The following ADAMTSL1 variants were observed in gnomAD, a reference collection of about 807,000 sequenced individuals.
ADAMTSL1 encodes the protein ADAMTS like 1, also known as ADAMTS-like protein 1.
A neutral mutation model predicts 201.8 loss-of-function variants in ADAMTSL1; 126 were observed. The ratio of observed to expected loss-of-function variants is 0.62; its 90% CI spans 0.54 to 0.72. The LOEUF is 0.72. ADAMTSL1 is among the 30% of genes least tolerant of loss of function. The probability of loss-of-function intolerance (pLI) is 0.00; values close to 1 mark genes in which losing one functional copy is unlikely to be tolerated. For synonymous variants in ADAMTSL1, 1,121 were observed against 903.4 expected, an observed-to-expected ratio of 1.24 and a Z score of -4.32; for missense variants, 2,679 against 2,277.8, an observed-to-expected ratio of 1.18 and a Z score of -3.59.
chr9:18,902,299 A>C (rs1830058370), intron 26 of ADAMTSL1, among the ~76,000 whole-genome samples: 1 of 152,220 alleles, frequency 6.6e-6, no homozygotes, highest in Admixed American at 6.5e-5. Context: ...ATAACAGCAG[A>C]ATACTTGTTT....
At chr9:18,460,804 C>G (rs1222729536) in intron 2 of ADAMTSL1, among the ~76,000 whole-genome samples, 2 of 152,152 alleles carry the variant, frequency 1.3e-5, no homozygotes, top group Admixed American at 6.6e-5. Context: ...GCAACACATA[C>G]AATGAATGAC....
chr9:18,219,010 G>A (rs2132348940), intron 2 of ADAMTSL1, among the ~76,000 whole-genome samples: 1 of 151,946 alleles, frequency 6.6e-6, no homozygotes, highest in East Asian at 1.9e-4. Context: ...GATTTGTAGT[G>A]CTACATCTGT....
At chr9:18,905,600 A>G in intron 26 of ADAMTSL1, 182 bp from the exon 27 acceptor site, 1 of 577,510 alleles carries the variant, frequency 1.7e-6, no homozygotes, top group Non-Finnish European at 3.1e-6. Flanking sequence ...AAATCTAACC[A>G]TCCCATAAAG....
At chr9:17,968,691 T>C (rs925078329) in intron 1 of ADAMTSL1, among the ~76,000 whole-genome samples, 20 of 152,250 alleles carry the variant, frequency 1.3e-4, no homozygotes, top group Admixed American at 9.2e-4. Flanking sequence ...TAGTGTAATG[T>C]TGGGACAGGC....
At chr9:18,703,399 A>G (rs113942175) in intron 13 of ADAMTSL1, among the ~76,000 whole-genome samples, 2,214 of 152,156 alleles carry the variant, frequency 0.015, 16 homozygotes, top group Middle Eastern at 0.031. Context: ...ACTATCAGAT[A>G]TTTTTCTTTT....
At chr9:18,864,623 C>T (rs575567230) in intron 23 of ADAMTSL1, among the ~76,000 whole-genome samples, 1 of 152,280 alleles carries the variant, frequency 6.6e-6, no homozygotes, top group East Asian at 1.9e-4. Context: ...GAAGTGAAGC[C>T]AGAGATGCCA....
intron 2 of ADAMTSL1, among the ~76,000 whole-genome samples, chr9:18,284,532 A>C (rs1426410778): frequency 6.6e-6 from 1 of 152,194 alleles, no homozygotes; most frequent in Admixed American, 6.5e-5. Flanking sequence ...CTTATGATAA[A>C]TGAGGAAACA....
chr9:18,150,319 G>A (rs1159738085), intron 1 of ADAMTSL1, among the ~76,000 whole-genome samples: 1 of 151,992 alleles, frequency 6.6e-6, no homozygotes, highest in African/African-American at 2.4e-5. Context: ...TGAAGGGTAT[G>A]GTGTCATGGA....
At chr9:18,585,109 G>T (rs542059241) in intron 4 of ADAMTSL1, among the ~76,000 whole-genome samples, 182 of 151,974 alleles carry the variant, frequency 1.2e-3, no homozygotes, top group African/African-American at 4.2e-3. Context: ...CATTTATTTC[G>T]TAATATTTTA....
chr9:18,781,340 C>G (rs549820884), intron 19 of ADAMTSL1, among the ~76,000 whole-genome samples: 1 of 152,272 alleles, frequency 6.6e-6, no homozygotes, highest in South Asian at 2.1e-4. Context: ...TTTTCTGGAT[C>G]TAGGCTTGAC....
chr9:18,600,260 C>T (rs920777080), intron 4 of ADAMTSL1, among the ~76,000 whole-genome samples: 2 of 152,024 alleles, frequency 1.3e-5, no homozygotes, highest in Non-Finnish European at 2.9e-5. Context: ...AATAGAAAAA[C>T]GATCCTCATA....
chr9:18,416,270 C>G (rs1818672677), intron 2 of ADAMTSL1, among the ~76,000 whole-genome samples: 1 of 151,944 alleles, frequency 6.6e-6, no homozygotes, highest in African/African-American at 2.4e-5. Context: ...TGTGATATCA[C>G]TTGAAAACGG....
At chr9:18,247,435 T>C (rs1288893858) in intron 2 of ADAMTSL1, among the ~76,000 whole-genome samples, 1 of 152,212 alleles carries the variant, frequency 6.6e-6, no homozygotes, top group East Asian at 1.9e-4. Flanking sequence ...TCAGAGCTAA[T>C]GTTCCAGGTG....
intron 3 of ADAMTSL1, among the ~76,000 whole-genome samples, chr9:18,552,650 A>G (rs541604904): frequency 6.6e-6 from 1 of 151,866 alleles, no homozygotes; most frequent in East Asian, 1.9e-4. Context: ...CTTCTTTGTT[A>G]GGTTAATTTG....
chr9:18,509,190 CAAAAAAAAAAAAAAAAAAAAAAAAAAAAA>C (rs57922962), intron 2 of ADAMTSL1, among the ~76,000 whole-genome samples: 2 of 20,454 alleles, frequency 9.8e-5, no homozygotes, highest in Admixed American at 8.2e-4. Flanking sequence ...GACTCCGTCT[CAAAAAAAAAAAAAAAAAAAAAAAAAAAAA>C]AAAAAAAAAA....
At chr9:18,740,153 G>A (rs922125030) in intron 15 of ADAMTSL1, among the ~76,000 whole-genome samples, 37 of 152,250 alleles carry the variant, frequency 2.4e-4, no homozygotes, top group African/African-American at 8.2e-4. Flanking sequence ...ACCCAGTGCT[G>A]TGTCCTGCCA....
At chr9:18,788,296 G>A (rs771595913) in intron 19 of ADAMTSL1, among the ~76,000 whole-genome samples, 19 of 151,966 alleles carry the variant, frequency 1.3e-4, no homozygotes, top group Non-Finnish European at 2.6e-4. Flanking sequence ...TTTGCCTCCC[G>A]TTTGAAAGTA....
At chr9:18,697,269 T>C (rs1831617891) in intron 13 of ADAMTSL1, among the ~76,000 whole-genome samples, 1 of 152,220 alleles carries the variant, frequency 6.6e-6, no homozygotes, top group Non-Finnish European at 1.5e-5. Flanking sequence ...GAATAAAGTA[T>C]ATATTTTCTA....
chr9:18,173,903 C>T (rs1828018939), intron 2 of ADAMTSL1, among the ~76,000 whole-genome samples: 2 of 152,266 alleles, frequency 1.3e-5, no homozygotes, highest in Middle Eastern at 3.4e-3. Flanking sequence ...TCTTGCTAGG[C>T]ATGAACTCCA....
Sources: gnomAD v4.1 joint callset for allele counts (sites outside exome capture counted in the v4.1 genomes callset) on GRCh38, gnomAD v4.1.1 for gene constraint, MANE v1.5 for transcripts, NCBI Gene and HGNC (gene_info 2026-07-23, HGNC 2026-07-21) for gene names.